Variants in SPRYD3 observed in about 807,000 individuals in gnomAD.
The protein encoded by SPRYD3 is SPRY domain containing 3.
In SPRYD3, 17 loss-of-function variants were observed where a neutral mutation model predicts 50.1. That is an observed-to-expected ratio of 0.34 (90% confidence interval 0.23 to 0.51). The LOEUF is 0.51. Among genes scored for constraint, SPRYD3 ranks in the 20% least tolerant of loss-of-function variants. The pLI is 0.97. For missense variants in SPRYD3, 401 were observed against 591.2 expected (o/e 0.68, Z 3.34); for synonymous variants, 198 against 215.5 (o/e 0.92, Z 0.71).
At chr12:53,073,256 G>GCCCCCGGGGGGGGCC in intron 6 of SPRYD3, 30 bp downstream of exon 6, 2 of 424,134 alleles carry the variant, frequency 4.7e-6, no homozygotes, top group Non-Finnish European at 8.8e-6. Context: ...CTCCGACCCA[G>GCCCCCGGGGGGGGCC]CCCCTCCCAC....
chr12:53,065,854 T>A lies in SPRYD3; in HGVS notation c.1307A>T (p.Asp436Val). 6.2e-7 allele frequency: 1 copy of A among 1,613,568 alleles called. No homozygotes were observed. The highest frequency in any genetic ancestry group is 8.5e-7 in the Non-Finnish European group (1 of 1,179,882). ...MLSCGEKVKVDLHPLSG is the reference protein window; with the variant it reads ...MLSCGEKVKVVLHPLSG ...GCCCTAGCCACTCAAGGGGTGCAGA[T>A]CTACTTTGACTTTCTCCCCGCAGCT... The change falls in exon 11 of 11, where the codon GAT becomes GTT. Residue 436 changes from aspartate to valine, a missense_variant. Coordinates refer to ENST00000301463, the MANE Select transcript of SPRYD3 (RefSeq NM_032840.3).
rs1204805457 is a variant in SPRYD3, at chr12:53,074,052, C to T, written c.508-581G>A. Among the ~76,000 whole-genome samples the T allele has an allele frequency of 6.6e-6, 1 of 152,010 alleles. No individual in the cohort carries two copies. The highest frequency in any genetic ancestry group is 1.9e-4 in the East Asian group (1 of 5,162). On this transcript the variant is annotated intron_variant, in intron 5 of 10. Coordinates refer to ENST00000301463, the MANE Select transcript of SPRYD3 (RefSeq NM_032840.3). This position sits in a 1 kb window ranked among gnomAD's most constrained non-coding sequence, Gnocchi z 4.6. ...GTACGTGTGCTGGACAGGAGAGTGCCGAGGCGCAGATGCTAAGGCAGCAGG... is the reference window on the plus strand; with the variant it reads ...GTACGTGTGCTGGACAGGAGAGTGCTGAGGCGCAGATGCTAAGGCAGCAGG...
intron 2 of SPRYD3, 23 bp from the exon 3 acceptor site, chr12:53,075,834 A>T: frequency 2.5e-6 from 4 of 1,603,146 alleles, no homozygotes; most frequent in South Asian, 2.2e-5. Flanking sequence ...TGAGGGGGGA[A>T]TTCCATTAGC....
chr12:53,066,362 T>TGGAA lies in SPRYD3; in HGVS notation c.1145_1146insTTCC (p.Glu382AspfsTer13). The TGGAA allele has an allele frequency of 6.2e-7, 1 of 1,612,822 alleles. No individual in the cohort carries two copies. The highest frequency in any genetic ancestry group is 8.5e-7 in the Non-Finnish European group (1 of 1,179,028). On this transcript the variant is annotated frameshift_variant, in exon 10 of 11. Coordinates refer to ENST00000301463, the MANE Select transcript of SPRYD3 (RefSeq NM_032840.3). LOFTEE classifies it high-confidence loss of function. ...CCGGCTCTATCTCTTCCCCATCCTC[T>TGGAA]TCCTCTTCCTCTTCCTCCTCTTCCT...
rs1361982580 is a variant in SPRYD3, at chr12:53,066,674, T to C, written c.920A>G (p.His307Arg). The part of the protein sequence containing the change: ...AYHADDGKIF[H>R]GSGVGDPFGP... ...AAAGGGGTCCCCCACACCACTGCCA[T>C]GGAAGATCTTCCCATCGTCTGTTGG... The change falls in exon 9 of 11, where the codon CAT (histidine) becomes CGT (arginine). Residue 307 changes from histidine to arginine, a missense_variant. His to Arg is a conservative substitution (Grantham distance 29). Transcript: ENST00000301463. 6.2e-7 allele frequency: 1 copy of C among 1,611,694 alleles called. No individual in the cohort carries two copies. The highest frequency in any genetic ancestry group is 8.5e-7 in the Non-Finnish European group (1 of 1,178,464).
chr12:53,078,553 T>C (rs918918639), intron 1 of SPRYD3, among the ~76,000 whole-genome samples: 3 of 151,452 alleles, frequency 2.0e-5, no homozygotes, highest in Non-Finnish European at 2.9e-5. Context: ...GTTGGAGAAC[T>C]GATCACAAGA....
chr12:53,071,707 G>A (rs1174966878), intron 6 of SPRYD3, among the ~76,000 whole-genome samples: 7 of 139,776 alleles, frequency 5.0e-5, no homozygotes, highest in Non-Finnish European at 9.1e-5. Context: ...CTGGGTGACA[G>A]AGTGATAGCC....
chr12:53,067,810 G>A (rs2121197424), intron 7 of SPRYD3, 105 bp from the exon 8 acceptor site: 6 of 1,068,468 alleles, frequency 5.6e-6, no homozygotes, highest in South Asian at 3.8e-5. Flanking sequence ...AGCCCAGAGA[G>A]TGCCAACCCT....
intron 6 of SPRYD3, among the ~76,000 whole-genome samples, chr12:53,072,871 C>G (rs1345729188): frequency 6.6e-6 from 1 of 152,218 alleles, no homozygotes; most frequent in Non-Finnish European, 1.5e-5. Flanking sequence ...CCTTCCACCA[C>G]ATGTGTGGAC....
Position 53,065,660 on chromosome 12 carries a change from G to A in SPRYD3, c.*172C>T, listed in dbSNP as rs1944497949. ...GGACTGACAACAGTGGCAGCACCAG[G>A]TCAGAAACGTGGGCACAGAGAAGCG... is the stretch of plus-strand genomic sequence containing the variant. On this transcript the variant is annotated 3_prime_UTR_variant, in exon 11 of 11. Transcript: ENST00000301463. The A allele has an allele frequency of 2.9e-6, 2 of 681,000 alleles. No homozygotes were observed. The highest frequency in any genetic ancestry group is 1.8e-5 in the African/African-American group (1 of 56,080). The allele number at this position is 681,000 out of a possible 1,614,324, so 42.2% of individuals were successfully genotyped here.
Position 53,074,803 on chromosome 12 carries a change from A to T in SPRYD3, c.372-19T>A, listed in dbSNP as rs1944576467. ...GTACAGCCTACAGACAGAGTAGTAC[A>T]GACACAGGACCCGAGCCTGGCCTCC... On this transcript the variant is annotated intron_variant, in intron 4 of 10. Transcript: ENST00000301463. The surrounding 1 kb of genome is among the most constrained non-coding windows in gnomAD (Gnocchi z 4.6). 6.2e-7 allele frequency: 1 copy of T among 1,613,762 alleles called. No homozygotes were observed. The highest frequency in any genetic ancestry group is 8.5e-7 in the Non-Finnish European group (1 of 1,179,730).
At chr12:53,073,741 G>A (rs1944567734) in intron 5 of SPRYD3, among the ~76,000 whole-genome samples, 1 of 151,932 alleles carries the variant, frequency 6.6e-6, no homozygotes. Context: ...CTACTCGGGA[G>A]GCTGAGGCAG....
intron 6 of SPRYD3, among the ~76,000 whole-genome samples, chr12:53,071,860 A>T (rs1047015896): frequency 6.6e-6 from 1 of 152,070 alleles, no homozygotes; most frequent in African/African-American, 2.4e-5. Flanking sequence ...ACCTGGCCCA[A>T]GCTGGGGTGA....
In SPRYD3 at chr12:53,079,297, C is replaced by T. The variant is rs1944614551; in HGVS notation, c.23+14G>A. On this transcript the variant is annotated intron_variant, in intron 1 of 10. Coordinates refer to ENST00000301463, the MANE Select transcript of SPRYD3 (RefSeq NM_032840.3). Reference sequence around the variant, plus strand: ...TACGAGGCCTCCGGGACCCCGCCCCCGATCCCCGCCTACCGGGGCCGCCGC... The same window carrying T: ...TACGAGGCCTCCGGGACCCCGCCCCTGATCCCCGCCTACCGGGGCCGCCGC... 4 of 1,605,646 alleles carry T rather than the reference C, an allele frequency of 2.5e-6. No homozygotes were observed. The highest frequency in any genetic ancestry group is 3.4e-6 in the Non-Finnish European group (4 of 1,176,478).
Position 53,075,214 on chromosome 12 carries a change from A to G in SPRYD3, c.252T>C (p.Ser84=). 1 of 1,598,450 alleles carries G rather than the reference A, an allele frequency of 6.3e-7. No homozygotes were observed. The highest frequency in any genetic ancestry group is 8.6e-7 in the Non-Finnish European group (1 of 1,166,870). Residue 84 remains serine, a synonymous_variant, in exon 4 of 11, where the codon TCT becomes TCC. Coordinates refer to ENST00000301463, the MANE Select transcript of SPRYD3 (RefSeq NM_032840.3). Reference sequence around the variant, plus strand: ...TGCCCCGGACTCCACTGTCCACAATAGACACCTGGAGAGAAGAAAGCAGGG... The same window carrying G: ...TGCCCCGGACTCCACTGTCCACAATGGACACCTGGAGAGAAGAAAGCAGGG... ...LTKDSNYFEV[S]IVDSGVRGTI... is the part of the protein sequence containing the mutation.
intron 2 of SPRYD3, among the ~76,000 whole-genome samples, chr12:53,076,507 C>T (rs1484294683): frequency 6.6e-6 from 1 of 152,186 alleles, no homozygotes; most frequent in African/African-American, 2.4e-5. Context: ...GAGACAGTGG[C>T]AGAAGACTCA....
intron 6 of SPRYD3, among the ~76,000 whole-genome samples, chr12:53,069,585 C>A (rs1944534849): frequency 6.6e-6 from 1 of 152,208 alleles, no homozygotes; most frequent in Non-Finnish European, 1.5e-5. Flanking sequence ...GATCTCAGCC[C>A]CGCCACCTCA....
intron 3 of SPRYD3, 24 bp downstream of exon 3, chr12:53,075,712 C>G: frequency 6.2e-7 from 1 of 1,601,518 alleles, no homozygotes; most frequent in Non-Finnish European, 8.6e-7. Context: ...ACCCCCTGCT[C>G]TGCCCACCCA....
At chr12:53,068,696 G>A (rs1266140036) in intron 6 of SPRYD3, among the ~76,000 whole-genome samples, 1 of 152,172 alleles carries the variant, frequency 6.6e-6, no homozygotes, top group Non-Finnish European at 1.5e-5. Flanking sequence ...GGAGAAGCAA[G>A]ACTAGCTGAG....
Sources: allele counts gnomAD v4.1 joint callset (sites outside exome capture counted in the v4.1 genomes callset), GRCh38; gene constraint gnomAD v4.1.1; non-coding constraint Gnocchi (gnomAD v3.1); transcripts MANE v1.5; gene names NCBI Gene and HGNC (gene_info 2026-07-23, HGNC 2026-07-21).